The following KIAA0825 variants were observed in gnomAD, a reference collection of about 807,000 sequenced individuals.
KIAA0825 encodes KIAA0825.
In KIAA0825, 119 loss-of-function variants were observed where a neutral mutation model predicts 147.6. That is an observed-to-expected ratio of 0.81 (90% confidence interval 0.69 to 0.94). The LOEUF is 0.94. KIAA0825 is among the 40% of genes least tolerant of loss of function. The probability of loss-of-function intolerance (pLI) is 0.00; values close to 1 mark genes in which losing one functional copy is unlikely to be tolerated. For missense variants in KIAA0825, 1,381 were observed against 1,472.7 expected (o/e 0.94, Z 1.02); for synonymous variants, 470 against 518.1 (o/e 0.91, Z 1.26).
intron 9 of KIAA0825, 40 bp downstream of exon 9, chr5:94,471,426 C>T (rs1413773652): frequency 5.9e-6 from 9 of 1,536,658 alleles, no homozygotes; most frequent in Non-Finnish European, 7.9e-6. Context: ...TTACACGTTT[C>T]TTTAAGCGTG....
intron 2 of KIAA0825, among the ~76,000 whole-genome samples, chr5:94,578,560 G>T (rs371315826): frequency 1.3e-5 from 2 of 151,980 alleles, no homozygotes; most frequent in East Asian, 1.9e-4. Context: ...GATAAATTGT[G>T]ACTACCTTGC....
At chr5:94,605,231 T>C (rs1390380584) in intron 1 of KIAA0825, among the ~76,000 whole-genome samples, 1 of 152,080 alleles carries the variant, frequency 6.6e-6, no homozygotes, top group Non-Finnish European at 1.5e-5. Flanking sequence ...ATTAAATCCC[T>C]GAACAGAACA....
At chr5:94,504,557 T>TGG (rs1765485703) in intron 5 of KIAA0825, among the ~76,000 whole-genome samples, 1 of 152,110 alleles carries the variant, frequency 6.6e-6, no homozygotes, top group African/African-American at 2.4e-5. Flanking sequence ...TTTTTGTGAG[T>TGG]GATTCAACAT....
intron 5 of KIAA0825, among the ~76,000 whole-genome samples, chr5:94,499,590 G>GC (rs1554294301): frequency 2.7e-5 from 4 of 147,342 alleles, no homozygotes; most frequent in Non-Finnish European, 6.0e-5. Flanking sequence ...CAATCTGGGG[G>GC]GGGGGGGGGA....
chr5:94,481,496 G>C (rs1215996709), intron 6 of KIAA0825, among the ~76,000 whole-genome samples: 2 of 151,980 alleles, frequency 1.3e-5, no homozygotes, highest in African/African-American at 4.8e-5. Context: ...ACCAAAAGCT[G>C]AATCTGTAGA....
chr5:94,465,174 C>A, intron 10 of KIAA0825, 115 bp from the exon 11 acceptor site: 1 of 874,142 alleles, frequency 1.1e-6, no homozygotes, highest in Non-Finnish European at 1.7e-6. Flanking sequence ...GTTTGACACA[C>A]TAGAAGACCA....
chr5:94,211,257 C>T (rs1352589849), intron 20 of KIAA0825, among the ~76,000 whole-genome samples: 2 of 152,182 alleles, frequency 1.3e-5, no homozygotes, highest in Non-Finnish European at 2.9e-5. Context: ...AAGAATGACA[C>T]CTTTAGTTTA....
chr5:94,328,710 C>T (rs929827322), intron 20 of KIAA0825, among the ~76,000 whole-genome samples: 2 of 151,638 alleles, frequency 1.3e-5, no homozygotes, highest in East Asian at 3.9e-4. Context: ...TACCATTCTC[C>T]TTTGCTTGAA....
intron 13 of KIAA0825, among the ~76,000 whole-genome samples, chr5:94,443,207 G>A (rs1757306953): frequency 6.6e-6 from 1 of 152,022 alleles, no homozygotes; most frequent in South Asian, 2.1e-4. Flanking sequence ...CAATCACCAA[G>A]CTCTGAGTAA....
intron 20 of KIAA0825, among the ~76,000 whole-genome samples, chr5:94,380,106 G>A (rs1187750218): frequency 1.3e-5 from 2 of 151,996 alleles, no homozygotes; most frequent in Admixed American, 6.6e-5. Context: ...ACCCGCCTCA[G>A]CCTCCCAAAG....
chr5:94,164,400 A>G (rs1017568956), intron 20 of KIAA0825, among the ~76,000 whole-genome samples: 10 of 151,016 alleles, frequency 6.6e-5, no homozygotes, highest in Non-Finnish European at 1.2e-4. Flanking sequence ...CAATCCACAC[A>G]CCTACAGTGA....
At chr5:94,525,358 G>C (rs1769074353) in intron 3 of KIAA0825, among the ~76,000 whole-genome samples, 1 of 151,856 alleles carries the variant, frequency 6.6e-6, no homozygotes, top group African/African-American at 2.4e-5. Flanking sequence ...TTAAGTAAAA[G>C]TTTTCAGGAG....
chr5:94,314,993 C>T (rs964677000), intron 20 of KIAA0825, among the ~76,000 whole-genome samples: 1 of 151,576 alleles, frequency 6.6e-6, no homozygotes, highest in South Asian at 2.1e-4. Flanking sequence ...GGACAGAGCT[C>T]TCAGACAAAT....
intron 20 of KIAA0825, among the ~76,000 whole-genome samples, chr5:94,301,566 T>G (rs1250220408): frequency 1.3e-5 from 2 of 152,034 alleles, no homozygotes; most frequent in Non-Finnish European, 2.9e-5. Context: ...ACCCTGTATA[T>G]GAGTGCTTAA....
At chr5:94,594,151 G>A (rs1784846361) in intron 1 of KIAA0825, 2 of 556,964 alleles carry the variant, frequency 3.6e-6, no homozygotes, top group Non-Finnish European at 7.2e-6. Context: ...TCTGCTAAAG[G>A]TAATTTTAAT....
chr5:94,469,055 A>T (rs1399559458), intron 10 of KIAA0825, among the ~76,000 whole-genome samples: 1 of 152,212 alleles, frequency 6.6e-6, no homozygotes, highest in African/African-American at 2.4e-5. Context: ...AAGCTTGATG[A>T]TGAATAATTT....
intron 2 of KIAA0825, among the ~76,000 whole-genome samples, chr5:94,539,232 T>C (rs1170216949): frequency 6.6e-6 from 1 of 152,170 alleles, no homozygotes; most frequent in Non-Finnish European, 1.5e-5. Context: ...GCATGAATAA[T>C]CCACCCCTTG....
intron 1 of KIAA0825, chr5:94,593,962 C>T (rs927577151): frequency 2.2e-6 from 1 of 462,600 alleles, no homozygotes; most frequent in East Asian, 5.6e-5. Context: ...ATAAATCCAT[C>T]CATTTAGAAT....
intron 20 of KIAA0825, among the ~76,000 whole-genome samples, chr5:94,209,452 G>A (rs758374385): frequency 1.3e-5 from 2 of 152,106 alleles, no homozygotes; most frequent in Admixed American, 6.6e-5. Flanking sequence ...CAGTAGGTCC[G>A]GTAGAAAAGA....
Sources: gnomAD v4.1 joint callset for allele counts (sites outside exome capture counted in the v4.1 genomes callset) on GRCh38, gnomAD v4.1.1 for gene constraint, MANE v1.5 for transcripts, NCBI Gene and HGNC (gene_info 2026-07-23, HGNC 2026-07-21) for gene names.